Variants in MAML1 observed in about 807,000 individuals in gnomAD.
MAML1 encodes mastermind-like protein 1.
A neutral mutation model predicts 77.1 loss-of-function variants in MAML1; 14 were observed. The observed-to-expected ratio is 0.18, with a 90% CI of 0.12 to 0.28. MAML1 has a LOEUF of 0.28. Ranked by LOEUF, MAML1 falls within the 10% of genes least tolerant of loss-of-function variation. MAML1 has a pLI of 1.00. For missense variants in MAML1, 1,217 were observed against 1,327.8 expected (o/e 0.92, Z 1.30); for synonymous variants, 516 against 551.9 (o/e 0.93, Z 0.91).
intron 1 of MAML1, among the ~76,000 whole-genome samples, chr5:179,751,040 C>A (rs771139957): frequency 1.3e-5 from 2 of 152,214 alleles, no homozygotes; most frequent in Non-Finnish European, 2.9e-5. Context: ...GTGGCACGAT[C>A]TTGGCTCACT....
intron 1 of MAML1, among the ~76,000 whole-genome samples, chr5:179,743,453 A>G (rs894271446): frequency 2.6e-5 from 3 of 114,590 alleles, no homozygotes; most frequent in African/African-American, 1.0e-4. Flanking sequence ...TGCAAGCTCC[A>G]CCTCCCAGGT....
chr5:179,745,855 G>A (rs34785307), intron 1 of MAML1, among the ~76,000 whole-genome samples: 58,503 of 109,316 alleles, frequency 0.54, 14,603 homozygotes, highest in South Asian at 0.67. Context: ...GCGCAACTCC[G>A]TCTCAAAAAA....
At chr5:179,737,035 C>T (rs143314159) in intron 1 of MAML1, among the ~76,000 whole-genome samples, 1 of 151,536 alleles carries the variant, frequency 6.6e-6, no homozygotes, top group African/African-American at 2.4e-5. Flanking sequence ...GAATTTAGAC[C>T]CTGTATGATT....
intron 4 of MAML1, among the ~76,000 whole-genome samples, chr5:179,773,227 G>C (rs1455779914): frequency 2.6e-5 from 4 of 152,128 alleles, no homozygotes; most frequent in Admixed American, 2.6e-4. Flanking sequence ...TCCCTATCTG[G>C]CCGGAACTAG....
intron 1 of MAML1, among the ~76,000 whole-genome samples, chr5:179,744,898 A>G (rs904269690): frequency 1.3e-5 from 2 of 151,820 alleles, no homozygotes; most frequent in African/African-American, 2.4e-5. Flanking sequence ...CGCATGCATT[A>G]TAAATTTTTT....
At chr5:179,742,471 A>G (rs550041791) in intron 1 of MAML1, among the ~76,000 whole-genome samples, 2 of 152,066 alleles carry the variant, frequency 1.3e-5, no homozygotes, top group South Asian at 4.2e-4. Flanking sequence ...CCCAGGCGAC[A>G]GAGTGAGATT....
rs1779541147 is a variant in MAML1, at chr5:179,753,286, C to T, written c.316-12040C>T. On this transcript the variant is annotated intron_variant, in intron 1 of 4. Transcript: ENST00000292599. ...AATTCACATTGTCTGTCTTTGGCCT[C>T]TGGCAATCTGCCTTCTGATTTCACT... Among the ~76,000 whole-genome samples, 3 of 152,106 alleles carry T rather than the reference C, an allele frequency of 2.0e-5. No individual in the cohort carries two copies. The South Asian group carries it at 6.2e-4, about 31-fold the overall frequency.
chr5:179,760,696 G>A (rs529926099), intron 1 of MAML1, among the ~76,000 whole-genome samples: 2 of 152,282 alleles, frequency 1.3e-5, no homozygotes, highest in African/African-American at 4.8e-5. Flanking sequence ...CTATTTGATA[G>A]AAGGGCAGGA....
intron 1 of MAML1, among the ~76,000 whole-genome samples, chr5:179,738,044 T>G (rs1161500093): frequency 1.3e-5 from 2 of 152,176 alleles, no homozygotes; most frequent in Non-Finnish European, 2.9e-5. Flanking sequence ...TTTAGGTGTG[T>G]AAAGTTTCTT....
At chr5:179,745,158 G>A (rs973615874) in intron 1 of MAML1, among the ~76,000 whole-genome samples, 2 of 151,996 alleles carry the variant, frequency 1.3e-5, no homozygotes, top group Middle Eastern at 3.4e-3. Flanking sequence ...GCCTGCCTCG[G>A]CCTCCCAAAG....
chr5:179,733,907 C>T (rs1316862939), intron 1 of MAML1, among the ~76,000 whole-genome samples: 2 of 152,214 alleles, frequency 1.3e-5, no homozygotes, highest in South Asian at 2.1e-4. Flanking sequence ...CCAACTGAAA[C>T]TCCTCTGAAT....
chr5:179,746,954 G>C (rs1309653359), intron 1 of MAML1, among the ~76,000 whole-genome samples: 2 of 152,114 alleles, frequency 1.3e-5, no homozygotes, highest in Non-Finnish European at 1.5e-5. Flanking sequence ...TTCTTTCTTT[G>C]TTATTTCCCA....
intron 4 of MAML1, 142 bp from the exon 5 acceptor site, chr5:179,773,753 G>A: frequency 6.7e-7 from 1 of 1,493,422 alleles, no homozygotes; most frequent in Non-Finnish European, 8.8e-7. Flanking sequence ...CATTCCACCT[G>A]TGGAAGGCTT....
intron 1 of MAML1, among the ~76,000 whole-genome samples, chr5:179,761,028 A>G (rs1779716680): frequency 1.3e-5 from 2 of 151,752 alleles, no homozygotes; most frequent in African/African-American, 4.8e-5. Flanking sequence ...CGGGAGGTGG[A>G]GCTTGCAGTG....
Position 179,774,671 on chromosome 5 carries a change from A to G in MAML1, c.2845A>G (p.Met949Val). The G allele has an allele frequency of 6.2e-7, 1 of 1,610,274 alleles. No individual in the cohort carries two copies. The highest frequency in any genetic ancestry group is 8.5e-7 in the Non-Finnish European group (1 of 1,179,430). Residue 949 changes from methionine (M) to valine (V), a missense_variant, in exon 5 of 5, where the codon ATG becomes GTG. Coordinates refer to ENST00000292599, the MANE Select transcript of MAML1 (RefSeq NM_014757.5). ...GAFSQSPASQ[M>V]GGRAGLHCTQ... ...CTTCAGCCAGAGCCCTGCCTCACAG[A>G]TGGGCGGTCGGGCGGGGCTGCACTG...
In MAML1 at chr5:179,765,483, C is replaced by A. The variant is rs1779799650; in HGVS notation, c.473C>A (p.Ala158Asp). Residue 158 changes from alanine (A) to aspartate (D), a missense_variant, in exon 2 of 5, where the codon GCC becomes GAC. Ala to Asp is a moderately radical substitution (Grantham distance 126). Coordinates refer to ENST00000292599, the MANE Select transcript of MAML1 (RefSeq NM_014757.5). Reference sequence around the variant, plus strand: ...ATCTCTTCCAATGGACTGCCTCCAGCCTCCCCCCTCGGTCAGTCTGACAAG... The same window carrying A: ...ATCTCTTCCAATGGACTGCCTCCAGACTCCCCCCTCGGTCAGTCTGACAAG... ...VAISSNGLPP[A>D]SPLGQSDKPS... The A allele has an allele frequency of 1.9e-6, 3 of 1,614,048 alleles. No homozygotes were observed. The highest frequency in any genetic ancestry group is 1.3e-5 in the African/African-American group (1 of 74,914).
At chr5:179,741,868 T>C (rs973447404) in intron 1 of MAML1, among the ~76,000 whole-genome samples, 3 of 151,988 alleles carry the variant, frequency 2.0e-5, no homozygotes, top group African/African-American at 7.2e-5. Flanking sequence ...ACATATTGGC[T>C]AAACAAATGT....
At chr5:179,772,929 C>G (rs554101661) in intron 4 of MAML1, among the ~76,000 whole-genome samples, 1 of 152,324 alleles carries the variant, frequency 6.6e-6, no homozygotes, top group South Asian at 2.1e-4. Context: ...CTTGCTCTTT[C>G]GCCTAGGCTG....
chr5:179,759,741 A>G (rs1779690445), intron 1 of MAML1, among the ~76,000 whole-genome samples: 1 of 152,228 alleles, frequency 6.6e-6, no homozygotes, highest in South Asian at 2.1e-4. Context: ...CTGATGTTGT[A>G]AGTCCTACCC....
Sources: allele counts gnomAD v4.1 joint callset (sites outside exome capture counted in the v4.1 genomes callset), GRCh38; gene constraint gnomAD v4.1.1; transcripts MANE v1.5; gene names NCBI Gene and HGNC (gene_info 2026-07-23, HGNC 2026-07-21).